Variants in OPCML observed in about 807,000 individuals in gnomAD.
The protein encoded by OPCML is opioid binding protein/cell adhesion molecule like.
A neutral mutation model predicts 37.8 loss-of-function variants in OPCML; 13 were observed. The observed-to-expected ratio is 0.34, with a 90% CI of 0.22 to 0.55. OPCML has a LOEUF of 0.55. Ranked by LOEUF, OPCML falls within the 20% of genes least tolerant of loss-of-function variation. The probability of loss-of-function intolerance (pLI) is 0.91; values close to 1 mark genes in which losing one functional copy is unlikely to be tolerated. For missense variants in OPCML, 341 were observed against 435.6 expected (o/e 0.78, Z 1.93); for synonymous variants, 176 against 168.8 (o/e 1.04, Z -0.33).
At chr11:133,425,028 T>C (rs1267971586) in intron 1 of OPCML, among the ~76,000 whole-genome samples, 1 of 152,218 alleles carries the variant, frequency 6.6e-6, no homozygotes, top group Non-Finnish European at 1.5e-5. Context: ...GGAAATAACT[T>C]TGAAAATTCA....
At chr11:132,568,060 G>A (rs1302710796) in intron 3 of OPCML, among the ~76,000 whole-genome samples, 1 of 151,872 alleles carries the variant, frequency 6.6e-6, no homozygotes, top group Non-Finnish European at 1.5e-5. Flanking sequence ...GCGCGTGTGT[G>A]TGTGTGTGTT....
Position 132,599,382 on chromosome 11 carries a change from GA to G in OPCML, c.379+57704del, listed in dbSNP as rs1424115868. Among the ~76,000 whole-genome samples the G allele has an allele frequency of 1.1e-4, 10 of 92,364 alleles. No homozygotes were observed. The South Asian group carries it at 2.1e-3, about 19-fold the overall frequency. The allele number at this position is 92,364 out of a possible 152,430, so 60.6% of individuals were successfully genotyped here. ...GAGAAGGAGGAGGAGGAAGAAGGAG[GA>G]AGAAGGAGGAAGAAGGAGGAAGAAG... On this transcript the variant is annotated intron_variant, in intron 3 of 7. Transcript: ENST00000524381.
intron 1 of OPCML, among the ~76,000 whole-genome samples, chr11:133,091,753 G>A (rs566127432): frequency 2.0e-5 from 3 of 152,270 alleles, no homozygotes; most frequent in South Asian, 2.1e-4. Context: ...GACAGCTGGA[G>A]GGAAATTTCT....
chr11:133,171,717 A>C (rs1950290988), intron 1 of OPCML, among the ~76,000 whole-genome samples: 1 of 152,204 alleles, frequency 6.6e-6, no homozygotes, highest in South Asian at 2.1e-4. Flanking sequence ...CTCTCCCAGG[A>C]GAAGAGACCA....
chr11:133,397,131 G>A (rs1032069786), intron 1 of OPCML, among the ~76,000 whole-genome samples: 4 of 152,140 alleles, frequency 2.6e-5, no homozygotes, highest in African/African-American at 9.7e-5. Flanking sequence ...CAAACAGCTG[G>A]TTAATATTTA....
chr11:132,951,756 C>G (rs1945865928), intron 1 of OPCML, among the ~76,000 whole-genome samples: 1 of 152,096 alleles, frequency 6.6e-6, no homozygotes, highest in African/African-American at 2.4e-5. Context: ...CCAAGGCGTC[C>G]AAAGGCTTTT....
At chr11:132,992,409 C>A (rs1404164221) in intron 1 of OPCML, among the ~76,000 whole-genome samples, 3 of 152,140 alleles carry the variant, frequency 2.0e-5, no homozygotes, top group Non-Finnish European at 4.4e-5. Flanking sequence ...TATCTGTCTC[C>A]ATTTTTATTC....
chr11:132,638,196 G>C lies in OPCML; in HGVS notation c.379+18891C>G, dbSNP rs1200918665. Among the ~76,000 whole-genome samples the C allele has an allele frequency of 3.3e-5, 3 of 90,954 alleles. 1 individual carries two copies. The highest frequency in any genetic ancestry group is 1.0e-4 in the African/African-American group (3 of 28,790). The allele number at this position is 90,954 out of a possible 152,430, so 59.7% of individuals were successfully genotyped here. ...ATATATATATATATATACAGAGAGAGAGAGAGCATATATACAGACTATATA... is the reference window on the plus strand; with the variant it reads ...ATATATATATATATATACAGAGAGACAGAGAGCATATATACAGACTATATA... On this transcript the variant is annotated intron_variant, in intron 3 of 7. Transcript: ENST00000524381.
intron 2 of OPCML, among the ~76,000 whole-genome samples, chr11:132,714,553 G>A (rs1793258): frequency 0.25 from 38,339 of 152,144 alleles, 6,557 homozygotes; most frequent in African/African-American, 0.47. Flanking sequence ...TGAAAGTGTA[G>A]AAGTTAAAGT....
intron 7 of OPCML, among the ~76,000 whole-genome samples, chr11:132,434,966 G>A (rs2136728508): frequency 6.6e-6 from 1 of 152,306 alleles, no homozygotes; most frequent in East Asian, 1.9e-4. Flanking sequence ...CTATTCCACA[G>A]AGTGCATTTG....
Position 133,445,027 on chromosome 11 carries a change from T to A in OPCML, c.61+87237A>T, listed in dbSNP as rs933863464. ...ATCCATGGTGATCCTGGATGGTGGATGGAGACCACCACACCCCATCTACAC... is the reference window on the plus strand; with the variant it reads ...ATCCATGGTGATCCTGGATGGTGGAAGGAGACCACCACACCCCATCTACAC... On this transcript the variant is annotated intron_variant, in intron 1 of 7. Coordinates refer to ENST00000524381, the MANE Select transcript of OPCML (RefSeq NM_001012393.5). Among the ~76,000 whole-genome samples, 6 of 122,622 alleles carry A rather than the reference T, an allele frequency of 4.9e-5. 1 individual carries two copies. The highest frequency in any genetic ancestry group is 7.8e-5 in the Non-Finnish European group (5 of 63,810). 80.4% of individuals were successfully genotyped at this position (122,622 alleles called of 152,430 possible).
chr11:132,932,276 A>T (rs1263983977), intron 2 of OPCML, among the ~76,000 whole-genome samples: 2 of 152,140 alleles, frequency 1.3e-5, no homozygotes, highest in South Asian at 2.1e-4. Flanking sequence ...ATGCCACCGA[A>T]CTGTATATTT....
At chr11:133,345,237 C>A (rs1298368242) in intron 1 of OPCML, among the ~76,000 whole-genome samples, 2 of 152,146 alleles carry the variant, frequency 1.3e-5, no homozygotes, top group African/African-American at 2.4e-5. Flanking sequence ...AGGAAGAGAT[C>A]TATGGGAAAG....
At chr11:132,736,991 G>A (rs112135757) in intron 2 of OPCML, among the ~76,000 whole-genome samples, 1,979 of 152,272 alleles carry the variant, frequency 0.013, 42 homozygotes, top group African/African-American at 0.046. Flanking sequence ...TGTTGTCGTG[G>A]AATAGGAATG....
chr11:133,000,301 C>T (rs544309607), intron 1 of OPCML, among the ~76,000 whole-genome samples: 13 of 152,232 alleles, frequency 8.5e-5, no homozygotes, highest in African/African-American at 1.7e-4. Flanking sequence ...TTAATAGAGA[C>T]GGGGTTTTTC....
At chr11:132,899,217 G>A (rs1231014894) in intron 2 of OPCML, among the ~76,000 whole-genome samples, 3 of 152,170 alleles carry the variant, frequency 2.0e-5, no homozygotes, top group Non-Finnish European at 1.5e-5. Context: ...CTGTGGCCAT[G>A]TGACTAGTTA....
intron 2 of OPCML, among the ~76,000 whole-genome samples, chr11:132,668,163 G>T (rs115052094): frequency 0.014 from 2,069 of 152,280 alleles, 35 homozygotes; most frequent in African/African-American, 0.035. Context: ...AAATAAGTGT[G>T]AAATGAGCAA....
chr11:133,263,652 T>C (rs1941561282), intron 1 of OPCML, among the ~76,000 whole-genome samples: 1 of 152,066 alleles, frequency 6.6e-6, no homozygotes, highest in Non-Finnish European at 1.5e-5. Flanking sequence ...TTGTTTCTCA[T>C]GAGAGGCGTG....
chr11:133,422,962 T>C, intron 1 of OPCML: 1 of 985,384 alleles, frequency 1.0e-6, no homozygotes, highest in Non-Finnish European at 1.2e-6. Flanking sequence ...TGATGGCATG[T>C]CATATAATGA....
Sources: allele counts gnomAD v4.1 joint callset (sites outside exome capture counted in the v4.1 genomes callset), GRCh38; gene constraint gnomAD v4.1.1; transcripts MANE v1.5; gene names NCBI Gene and HGNC (gene_info 2026-07-23, HGNC 2026-07-21).